ARHGAP24: variants seen among roughly 807,000 people sequenced by gnomAD.
ARHGAP24 encodes the protein rho GTPase-activating protein 24.
In ARHGAP24, 50 loss-of-function variants were observed where a neutral mutation model predicts 76.4. The ratio of observed to expected loss-of-function variants is 0.65; its 90% CI spans 0.52 to 0.83. The LOEUF (loss-of-function observed/expected upper bound fraction) is 0.83, where lower values mean the gene tolerates loss of function less well. ARHGAP24 is among the 40% of genes least tolerant of loss of function. The pLI, the probability that ARHGAP24 is intolerant of heterozygous loss-of-function variation, is 0.00. For missense variants in ARHGAP24, 930 were observed against 914.2 expected (o/e 1.02, Z -0.22); for synonymous variants, 345 against 323.3 (o/e 1.07, Z -0.72).
chr4:85,957,146 G>A lies in ARHGAP24; in HGVS notation c.599+14873G>A, dbSNP rs1737965998. On this transcript the variant is annotated intron_variant, in intron 5 of 9. Coordinates refer to ENST00000395184, the MANE Select transcript of ARHGAP24 (RefSeq NM_001025616.3). ...AGTCACCTTCCCAGCTATGCTTAGG[G>A]ATTCTTAGTCAGCCTAGGAAATCCA... is the stretch of plus-strand genomic sequence containing the variant. Among the ~76,000 whole-genome samples the A allele has an allele frequency of 3.5e-5, 5 of 143,918 alleles. No individual in the cohort carries two copies. In the South Asian group the frequency reaches 1.3e-3, roughly 36 times the overall value. 94.4% of individuals were successfully genotyped at this position (143,918 alleles called of 152,430 possible).
At chr4:85,567,171 C>A (rs1726884124) in intron 1 of ARHGAP24, among the ~76,000 whole-genome samples, 1 of 152,122 alleles carries the variant, frequency 6.6e-6, no homozygotes, top group African/African-American at 2.4e-5. Context: ...TGTTGAGAAT[C>A]CTTATCTGAT....
chr4:85,939,502 T>A (rs1368293339), intron 4 of ARHGAP24, among the ~76,000 whole-genome samples: 1 of 152,204 alleles, frequency 6.6e-6, no homozygotes, highest in Non-Finnish European at 1.5e-5. Context: ...AGTTACTTTA[T>A]GTGTTTCTTA....
chr4:85,491,143 A>T (rs1322358358), intron 1 of ARHGAP24, among the ~76,000 whole-genome samples: 1 of 152,202 alleles, frequency 6.6e-6, no homozygotes, highest in Non-Finnish European at 1.5e-5. Context: ...CTTGGAGGTT[A>T]TGACAAAATG....
intron 1 of ARHGAP24, among the ~76,000 whole-genome samples, chr4:85,490,237 A>G (rs1482059805): frequency 1.3e-5 from 2 of 152,156 alleles, no homozygotes; most frequent in Non-Finnish European, 2.9e-5. Context: ...CTTTTTGTCA[A>G]GGTAGTTAGG....
intron 3 of ARHGAP24, among the ~76,000 whole-genome samples, chr4:85,823,443 G>A (rs528226952): frequency 2.0e-5 from 3 of 152,276 alleles, no homozygotes; most frequent in African/African-American, 7.2e-5. Context: ...TGACACTAAT[G>A]CTTTTGAAGG....
intron 2 of ARHGAP24, among the ~76,000 whole-genome samples, chr4:85,671,261 T>C (rs990489158): frequency 1.1e-4 from 17 of 152,296 alleles, no homozygotes; most frequent in African/African-American, 3.1e-4. Flanking sequence ...CCTGACTATC[T>C]TTCTAGCTTT....
intron 5 of ARHGAP24, among the ~76,000 whole-genome samples, chr4:85,943,355 T>G (rs1216745809): frequency 2.6e-5 from 4 of 152,210 alleles, no homozygotes; most frequent in Non-Finnish European, 5.9e-5. Context: ...GTCAAGGCAC[T>G]GGCAAATCCG....
chr4:85,647,356 C>G (rs1031704473), intron 2 of ARHGAP24, among the ~76,000 whole-genome samples: 1 of 151,922 alleles, frequency 6.6e-6, no homozygotes, highest in Non-Finnish European at 1.5e-5. Flanking sequence ...TCTAACATTC[C>G]TCTGCCTTTC....
At chr4:85,940,789 A>C (rs1736911677) in intron 4 of ARHGAP24, among the ~76,000 whole-genome samples, 1 of 152,192 alleles carries the variant, frequency 6.6e-6, no homozygotes, top group Non-Finnish European at 1.5e-5. Flanking sequence ...GAATATATGT[A>C]TTTCATTAGT....
chr4:85,752,361 C>T (rs1057169008), intron 3 of ARHGAP24, among the ~76,000 whole-genome samples: 2 of 152,154 alleles, frequency 1.3e-5, no homozygotes, highest in African/African-American at 4.8e-5. Context: ...AATCTTCACT[C>T]AGAACATGTC....
intron 2 of ARHGAP24, among the ~76,000 whole-genome samples, chr4:85,630,117 T>G (rs1721109622): frequency 6.6e-6 from 1 of 152,174 alleles, no homozygotes; most frequent in Non-Finnish European, 1.5e-5. Context: ...TCTTCTTGAC[T>G]GAGTCTGCGG....
chr4:85,707,376 C>T (rs1724355092), intron 2 of ARHGAP24, among the ~76,000 whole-genome samples: 1 of 151,618 alleles, frequency 6.6e-6, no homozygotes, highest in Non-Finnish European at 1.5e-5. Flanking sequence ...TGAATGCGTC[C>T]TTGTGCTTCT....
intron 3 of ARHGAP24, among the ~76,000 whole-genome samples, chr4:85,756,766 G>A (rs1222909950): frequency 6.6e-6 from 1 of 152,086 alleles, no homozygotes; most frequent in Admixed American, 6.5e-5. Context: ...CCTGCAGTTG[G>A]GTGTGTTTTG....
At chr4:85,624,122 T>A (rs1720829047) in intron 2 of ARHGAP24, among the ~76,000 whole-genome samples, 2 of 152,334 alleles carry the variant, frequency 1.3e-5, no homozygotes, top group South Asian at 4.1e-4. Context: ...TCCAACACTA[T>A]GTTGAATAGG....
intron 3 of ARHGAP24, among the ~76,000 whole-genome samples, chr4:85,769,000 T>C (rs1437681531): frequency 6.6e-6 from 1 of 152,134 alleles, no homozygotes; most frequent in Non-Finnish European, 1.5e-5. Flanking sequence ...CAGAGCCTAA[T>C]TTATGATGAA....
chr4:85,948,031 C>T (rs926210894), intron 5 of ARHGAP24, among the ~76,000 whole-genome samples: 20 of 152,214 alleles, frequency 1.3e-4, no homozygotes, highest in African/African-American at 4.1e-4. Flanking sequence ...GAACAAGGAT[C>T]AGAAAACAAA....
intron 5 of ARHGAP24, among the ~76,000 whole-genome samples, chr4:85,952,294 T>C (rs1294132881): frequency 2.0e-5 from 3 of 152,234 alleles, no homozygotes; most frequent in Non-Finnish European, 2.9e-5. Context: ...CAGGACTATA[T>C]AATGTGTGAT....
At chr4:85,776,395 T>C (rs1404479858) in intron 3 of ARHGAP24, among the ~76,000 whole-genome samples, 1 of 152,156 alleles carries the variant, frequency 6.6e-6, no homozygotes, top group Non-Finnish European at 1.5e-5. Context: ...ATTCAGAGCA[T>C]TCCCAGAGTA....
At chr4:85,976,595 A>C (rs1315290176) in intron 7 of ARHGAP24, among the ~76,000 whole-genome samples, 2 of 152,184 alleles carry the variant, frequency 1.3e-5, no homozygotes, top group African/African-American at 4.8e-5. Flanking sequence ...CCATGAAATT[A>C]TAGAAGCTCT....
Sources: allele counts gnomAD v4.1 joint callset (sites outside exome capture counted in the v4.1 genomes callset), GRCh38; gene constraint gnomAD v4.1.1; transcripts MANE v1.5; gene names NCBI Gene and HGNC (gene_info 2026-07-23, HGNC 2026-07-21).